The following AKAP6 variants were observed in gnomAD, a reference collection of about 807,000 sequenced individuals.
AKAP6 encodes A-kinase anchor protein 6.
Under a neutral mutation model 188.5 loss-of-function variants are expected in AKAP6, and 58 were observed. That is an observed-to-expected ratio of 0.31 (90% CI 0.25 to 0.38). The LOEUF is 0.38. Among genes scored for constraint, AKAP6 ranks in the 10% least tolerant of loss-of-function variants. AKAP6 has a pLI of 1.00. For missense variants in AKAP6, 2,710 were observed against 2,740.0 expected, an observed-to-expected ratio of 0.99 and a Z score of 0.24; for synonymous variants, 989 against 998.6, an observed-to-expected ratio of 0.99 and a Z score of 0.18.
intron 7 of AKAP6, among the ~76,000 whole-genome samples, chr14:32,658,976 T>C (rs369792055): frequency 3.3e-5 from 5 of 152,100 alleles, no homozygotes; most frequent in African/African-American, 4.8e-5. Flanking sequence ...TTGTTAGAAT[T>C]TGTGTCCTTT....
rs143545025 is a variant in AKAP6, at chr14:32,539,364, A to G, written c.576+3559A>G. On this transcript the variant is annotated intron_variant, in intron 3 of 13. Coordinates refer to ENST00000280979, the MANE Select transcript of AKAP6 (RefSeq NM_004274.5). ...TTGGTCCTTCCAGAGTGCTCACAAC[A>G]TAGCACTTTGTGGGTTCCTCCACTG... is the stretch of plus-strand genomic sequence containing the variant. Among the ~76,000 whole-genome samples the G allele has an allele frequency of 8.7e-3, 1,328 of 152,282 alleles. 18 individuals carry two copies. The highest frequency in any genetic ancestry group is 0.03 in the African/African-American group (1,251 of 41,562).
chr14:32,813,363 T>G, intron 12 of AKAP6, among the ~76,000 whole-genome samples: 1 of 148,542 alleles, frequency 6.7e-6, no homozygotes, highest in African/African-American at 2.5e-5. Flanking sequence ...TCAAGAAGAG[T>G]AGTTACAGTT....
chr14:32,652,365 C>T (rs536260338), intron 7 of AKAP6, among the ~76,000 whole-genome samples: 1 of 152,096 alleles, frequency 6.6e-6, no homozygotes, highest in Non-Finnish European at 1.5e-5. Flanking sequence ...TTTCTATTTC[C>T]CCACCTGGCC....
In AKAP6 at chr14:32,546,706, C is replaced by T. The variant is rs763251295; in HGVS notation, c.2053C>T (p.His685Tyr). Reference protein sequence around the residue: ...NSDSEIYPTYHVKKKHTRLGR... With the variant: ...NSDSEIYPTYYVKKKHTRLGR... ...AGATTCTGAAATCTATCCAACCTAT[C>T]ATGTCAAAAAGAAGCATACAAGGCT... is the stretch of plus-strand genomic sequence containing the variant. Residue 685 changes from histidine (H) to tyrosine (Y), a missense_variant, in exon 4 of 14, where the codon CAT (histidine) becomes TAT (tyrosine). By Grantham distance (83) the His-to-Tyr change is moderately conservative. Around this residue, in one of 2 missense-constraint regions of AKAP6, gnomAD observed 2,473 missense variants for 2,426.1 expected, o/e 1.02. Coordinates refer to ENST00000280979, the MANE Select transcript of AKAP6 (RefSeq NM_004274.5). The T allele has an allele frequency of 4.3e-6, 7 of 1,614,102 alleles. No homozygotes were observed. Among genetic ancestry groups the T allele is most frequent in the Non-Finnish European group, 4.2e-6 (5 of 1,180,016 alleles).
At chr14:32,405,270 C>T (rs1228696537) in intron 1 of AKAP6, among the ~76,000 whole-genome samples, 1 of 151,986 alleles carries the variant, frequency 6.6e-6, no homozygotes, top group African/African-American at 2.4e-5. Context: ...ATGTACCTTC[C>T]TCTTCTTCCT....
chr14:32,406,651 GT>G (rs1239715018), intron 1 of AKAP6, among the ~76,000 whole-genome samples: 6 of 152,128 alleles, frequency 3.9e-5, no homozygotes, highest in African/African-American at 1.4e-4. Context: ...GTTTATTATT[GT>G]TTTACAATTC....
chr14:32,417,713 TTA>T (rs1889706750), intron 1 of AKAP6: 1 of 152,204 alleles, frequency 6.6e-6, no homozygotes, highest in African/African-American at 2.4e-5. Context: ...TTTAAAATTT[TTA>T]TGTTATTTTG....
At chr14:32,509,427 C>T (rs1881058270) in intron 2 of AKAP6, among the ~76,000 whole-genome samples, 1 of 152,042 alleles carries the variant, frequency 6.6e-6, no homozygotes, top group African/African-American at 2.4e-5. Context: ...GTTTGGGGCT[C>T]TTAAGGATAA....
intron 2 of AKAP6, among the ~76,000 whole-genome samples, chr14:32,511,014 T>C (rs1027702520): frequency 6.6e-6 from 1 of 152,112 alleles, no homozygotes; most frequent in Non-Finnish European, 1.5e-5. Flanking sequence ...CTGTTTAGAG[T>C]GTTAGAACAT....
Position 32,773,739 on chromosome 14 carries a change from A to G in AKAP6, c.3434A>G (p.Gln1145Arg). The change falls in exon 12 of 14, where the codon CAG (glutamine) becomes CGG (arginine). Residue 1145 changes from glutamine (Q) to arginine (R), a missense_variant. Gln to Arg is a conservative substitution (Grantham distance 43, BLOSUM62 1). Around this residue, in one of 2 missense-constraint regions of AKAP6, gnomAD observed 2,473 missense variants for 2,426.1 expected, o/e 1.02. Coordinates refer to ENST00000280979, the MANE Select transcript of AKAP6 (RefSeq NM_004274.5). ...GTTGCCTCCATTCTGCGACTATGCC[A>G]GCATCTTTTGGATGACCGGGAGACT... ...RGVASILRLC[Q>R]HLLDDRETCN... 1 of 1,614,178 alleles carries G rather than the reference A, an allele frequency of 6.2e-7. No homozygotes were observed.
chr14:32,772,538 G>A (rs1448040685), intron 11 of AKAP6, among the ~76,000 whole-genome samples: 1 of 152,084 alleles, frequency 6.6e-6, no homozygotes, highest in African/African-American at 2.4e-5. Context: ...TCATTTAAAT[G>A]GCTCTAGCAT....
At chr14:32,693,353 G>T (rs941596896) in intron 8 of AKAP6, 2 of 152,304 alleles carry the variant, frequency 1.3e-5, no homozygotes, top group Admixed American at 1.3e-4. Context: ...GGGAGAGGCC[G>T]TCATTGTGCC....
intron 1 of AKAP6, among the ~76,000 whole-genome samples, chr14:32,396,660 C>T (rs1888889985): frequency 6.6e-6 from 1 of 152,284 alleles, no homozygotes; most frequent in Non-Finnish European, 1.5e-5. Flanking sequence ...TAAGCTCTCT[C>T]TCTCTCTTTC....
intron 9 of AKAP6, among the ~76,000 whole-genome samples, chr14:32,727,972 C>T (rs747686187): frequency 1.3e-5 from 2 of 152,162 alleles, no homozygotes; most frequent in African/African-American, 2.4e-5. Context: ...TTCTGAAAAG[C>T]GGGGCAGCAC....
At chr14:32,474,090 G>A (rs928703205) in intron 2 of AKAP6, 7 of 152,142 alleles carry the variant, frequency 4.6e-5, no homozygotes, top group African/African-American at 1.7e-4. Flanking sequence ...TAGAAACGGG[G>A]TTTCACTATG....
chr14:32,526,493 C>T (rs1421983491), intron 2 of AKAP6, among the ~76,000 whole-genome samples: 2 of 152,152 alleles, frequency 1.3e-5, no homozygotes, highest in East Asian at 3.9e-4. Context: ...TTAGCCCCCA[C>T]AAAGTGCTGG....
chr14:32,350,074 A>G (rs985538924), intron 1 of AKAP6, among the ~76,000 whole-genome samples: 4 of 152,222 alleles, frequency 2.6e-5, no homozygotes, highest in African/African-American at 9.6e-5. Flanking sequence ...GAAACTTCCA[A>G]ATAATATGTG....
intron 7 of AKAP6, among the ~76,000 whole-genome samples, chr14:32,637,685 C>G (rs1887561508): frequency 1.3e-5 from 2 of 151,922 alleles, no homozygotes; most frequent in South Asian, 4.1e-4. Flanking sequence ...TACTTAGGAC[C>G]TGTCTGGAAA....
At chr14:32,652,298 C>A (rs756218627) in intron 7 of AKAP6, among the ~76,000 whole-genome samples, 1 of 152,136 alleles carries the variant, frequency 6.6e-6, no homozygotes, top group African/African-American at 2.4e-5. Context: ...ATGGGAGCCA[C>A]CAGCCACCAA....
Sources: gnomAD v4.1 joint callset for allele counts (sites outside exome capture counted in the v4.1 genomes callset) on GRCh38, gnomAD v4.1.1 for gene constraint, gnomAD v4.1.1 regional missense constraint, MANE v1.5 for transcripts, NCBI Gene and HGNC (gene_info 2026-07-23, HGNC 2026-07-21) for gene names.